Variants in NTAQ1 observed in about 807,000 individuals in gnomAD.
NTAQ1 encodes the protein N-terminal glutamine amidase 1, also known as protein N-terminal glutamine amidohydrolase.
In NTAQ1, 21 loss-of-function variants were observed where a neutral mutation model predicts 28.2. That is an observed-to-expected ratio of 0.74 (90% CI 0.53 to 1.07). The LOEUF (loss-of-function observed/expected upper bound fraction) is 1.07, where lower values mean the gene tolerates loss of function less well. Ranked by LOEUF, NTAQ1 falls within the 50% of genes least tolerant of loss-of-function variation. The probability of loss-of-function intolerance (pLI) is 0.00; values close to 1 mark genes in which losing one functional copy is unlikely to be tolerated. For missense variants in NTAQ1, 264 were observed against 256.6 expected (o/e 1.03, Z -0.20); for synonymous variants, 105 against 90.0 (o/e 1.17, Z -0.94).
the NTAQ1 span, among the ~76,000 whole-genome samples, chr8:123,475,148 CTG>C: frequency 6.6e-6 from 1 of 152,104 alleles, no homozygotes; most frequent in African/African-American, 2.4e-5. Flanking sequence ...TAATCGAACA[CTG>C]TCATTATTTA....
rs75669544 is a variant in NTAQ1 at position 123,418,459 on chromosome 8, A to T, written c.83+1527A>T. Among the ~76,000 whole-genome samples the T allele has an allele frequency of 3.7e-3, 547 of 145,878 alleles. 8 individuals are homozygous for T. Among genetic ancestry groups the T allele is most frequent in the African/African-American group, 0.012 (487 of 40,282 alleles). On this transcript the variant is annotated intron_variant, in intron 1 of 5. Coordinates refer to ENST00000287387, the MANE Select transcript of NTAQ1 (RefSeq NM_018024.3). ...CAAGACTCCATCTCAAAAAAAAAAA[A>T]AAAATAAAAAGCCAAAAAAACAAGT...
intron 6 of NTAQ1, among the ~76,000 whole-genome samples, chr8:123,453,918 G>A (rs74329201): frequency 0.022 from 3,371 of 152,216 alleles, 114 homozygotes; most frequent in African/African-American, 0.074. Flanking sequence ...CCACTCCAGG[G>A]CCTGGCTGCC....
intron 3 of NTAQ1, among the ~76,000 whole-genome samples, chr8:123,435,770 G>A (rs553127969): frequency 1.2e-3 from 183 of 152,118 alleles, no homozygotes; most frequent in Non-Finnish European, 2.3e-3. Flanking sequence ...AGGAGGCTGA[G>A]GCAGGAGAAT....
At chr8:123,422,606 GTTTTT>G (rs112284256) in intron 1 of NTAQ1, among the ~76,000 whole-genome samples, 1 of 134,422 alleles carries the variant, frequency 7.4e-6, no homozygotes. Context: ...TCCATTGATA[GTTTTT>G]TTTTTTTTTT....
intron 6 of NTAQ1, among the ~76,000 whole-genome samples, chr8:123,459,573 G>GA (rs1358726644): frequency 6.6e-6 from 1 of 151,902 alleles, no homozygotes; most frequent in African/African-American, 2.4e-5. Flanking sequence ...CCCCTTATTA[G>GA]AAAAAAAGAT....
At chr8:123,450,444 GA>G (rs1356030160), downstream of NTAQ1, among the ~76,000 whole-genome samples, 2 of 151,890 alleles carry the variant, frequency 1.3e-5, no homozygotes, top group African/African-American at 4.8e-5. Flanking sequence ...GGTACTGCAG[GA>G]GGATGTGGGT....
chr8:123,437,817 A>AGGACT (rs201849229), intron 5 of NTAQ1, among the ~76,000 whole-genome samples: 2,151 of 152,338 alleles, frequency 0.014, 14 homozygotes, highest in Middle Eastern at 0.027. Context: ...CACAGAGAAT[A>AGGACT]GGACTGGAAG....
intron 6 of NTAQ1, among the ~76,000 whole-genome samples, chr8:123,456,818 A>G (rs1815662569): frequency 6.6e-6 from 1 of 152,186 alleles, no homozygotes; most frequent in South Asian, 2.1e-4. Context: ...CAATCCAGAT[A>G]TTTATCTATA....
chr8:123,434,241 T>TTA (rs1236174759), intron 3 of NTAQ1, among the ~76,000 whole-genome samples: 69 of 152,280 alleles, frequency 4.5e-4, no homozygotes, highest in African/African-American at 1.6e-3. Flanking sequence ...CTCTGGGAAC[T>TTA]TCTTGAGGGT....
Position 123,441,468 on chromosome 8 carries a change from A to G in NTAQ1, c.*53A>G, listed in dbSNP as rs1003689395. The G allele has an allele frequency of 5.7e-6, 8 of 1,391,574 alleles. No individual in the cohort carries two copies. Among genetic ancestry groups the G allele is most frequent in the Non-Finnish European group, 8.1e-6 (8 of 990,502 alleles). The allele number at this position is 1,391,574 out of a possible 1,614,324, so 86.2% of individuals were successfully genotyped here. A position where few individuals can be genotyped will look rare whatever the true frequency, so the allele number is the denominator to read the frequency against. ...AGAAATTCTAGGACATGAACAAGCT[A>G]TCCTTTCATCGAGGACAGCAAACAT... On this transcript the variant is annotated 3_prime_UTR_variant, in exon 6 of 6. Transcript: ENST00000287387.
intron 1 of NTAQ1, among the ~76,000 whole-genome samples, chr8:123,423,144 C>T (rs2130164857): frequency 6.6e-6 from 1 of 152,172 alleles, no homozygotes; most frequent in Non-Finnish European, 1.5e-5. Flanking sequence ...TTTTTTGGTG[C>T]ATATGAGTTT....
chr8:123,435,430 TCTC>T (rs1203971293), intron 3 of NTAQ1: 1 of 982,968 alleles, frequency 1.0e-6, no homozygotes, highest in East Asian at 1.1e-4. Context: ...AAGTCCTCCT[TCTC>T]CTCTCCAGGC....
downstream of NTAQ1, among the ~76,000 whole-genome samples, chr8:123,449,974 T>A (rs6470152): frequency 0.035 from 1,937 of 56,080 alleles, 555 homozygotes; most frequent in African/African-American, 0.12. Context: ...TATATATATA[T>A]GCTGGATAAA....
chr8:123,458,485 CAG>C (rs1815720300), intron 6 of NTAQ1, among the ~76,000 whole-genome samples: 1 of 152,014 alleles, frequency 6.6e-6, no homozygotes, highest in Admixed American at 6.6e-5. Flanking sequence ...GTGTGCTGGT[CAG>C]GGGTGTGTTT....
At chr8:123,458,073 A>C (rs1254012516) in intron 6 of NTAQ1, among the ~76,000 whole-genome samples, 2 of 117,886 alleles carry the variant, frequency 1.7e-5, no homozygotes, top group East Asian at 2.7e-4. Flanking sequence ...AAAAAAAAAA[A>C]CAAATAAATC....
At chr8:123,427,379 A>G (rs1038606744) in intron 1 of NTAQ1, among the ~76,000 whole-genome samples, 2 of 150,508 alleles carry the variant, frequency 1.3e-5, no homozygotes, top group African/African-American at 4.9e-5. Flanking sequence ...CAGCCTCCCA[A>G]GTAGCCGGGA....
chr8:123,428,264 T>C (rs1350861731), intron 2 of NTAQ1, among the ~76,000 whole-genome samples: 1 of 152,124 alleles, frequency 6.6e-6, no homozygotes, highest in African/African-American at 2.4e-5. Flanking sequence ...GGCGTGATTC[T>C]TGGCTCACTG....
At chr8:123,470,270 A>G (rs1816028500), downstream of NTAQ1, among the ~76,000 whole-genome samples, 1 of 152,224 alleles carries the variant, frequency 6.6e-6, no homozygotes, top group Non-Finnish European at 1.5e-5. Flanking sequence ...GCCGAAACAG[A>G]CTAATACAAG....
At chr8:123,449,513 C>T (rs13276753), downstream of NTAQ1, among the ~76,000 whole-genome samples, 54,991 of 151,812 alleles carry the variant, frequency 0.36, 10,072 homozygotes, top group East Asian at 0.56. Context: ...GCCAGGAGTT[C>T]AAGACCTCTA....
Sources: allele counts gnomAD v4.1 joint callset (sites outside exome capture counted in the v4.1 genomes callset), GRCh38; gene constraint gnomAD v4.1.1; transcripts MANE v1.5; gene names NCBI Gene and HGNC (gene_info 2026-07-23, HGNC 2026-07-21).